The following PAFAH1B1 variants were observed in gnomAD, a reference collection of about 807,000 sequenced individuals.
PAFAH1B1 encodes platelet-activating factor acetylhydrolase IB subunit beta.
A neutral mutation model predicts 57.5 loss-of-function variants in PAFAH1B1; 2 were observed. The observed-to-expected ratio is 0.03, with a 90% CI of 0.01 to 0.11. PAFAH1B1 has a LOEUF of 0.11. PAFAH1B1 is among the 10% of genes least tolerant of loss of function. PAFAH1B1 has a pLI of 1.00. For synonymous variants in PAFAH1B1, 152 were observed against 169.6 expected, an observed-to-expected ratio of 0.90 and a Z score of 0.81; for missense variants, 257 against 512.0, an observed-to-expected ratio of 0.50 and a Z score of 4.81.
chr17:2,671,347 T>C (rs1043285858), intron 6 of PAFAH1B1, among the ~76,000 whole-genome samples: 5 of 151,854 alleles, frequency 3.3e-5, no homozygotes, highest in Non-Finnish European at 5.9e-5. Flanking sequence ...TATCTAGGAT[T>C]ATAGGCACGC....
chr17:2,597,625 G>A (rs1331786360), intron 1 of PAFAH1B1, among the ~76,000 whole-genome samples: 1 of 151,396 alleles, frequency 6.6e-6, no homozygotes, highest in Non-Finnish European at 1.5e-5. Context: ...TGGTCAGGTT[G>A]GTCTGGAACT....
At chr17:2,613,673 T>A (rs1276948650) in intron 1 of PAFAH1B1, 3 of 285,344 alleles carry the variant, frequency 1.1e-5, no homozygotes, top group Non-Finnish European at 2.1e-5. Context: ...CAGCCGCCCC[T>A]CCGCGAAGCT....
chr17:2,616,941 C>T (rs961044901), intron 1 of PAFAH1B1, among the ~76,000 whole-genome samples: 1 of 151,748 alleles, frequency 6.6e-6, no homozygotes, highest in Non-Finnish European at 1.5e-5. Context: ...GACCTGGTGG[C>T]GAGCGTCTGT....
At chr17:2,670,985 C>T (rs1376319875) in intron 6 of PAFAH1B1, among the ~76,000 whole-genome samples, 1 of 152,134 alleles carries the variant, frequency 6.6e-6, no homozygotes, top group Non-Finnish European at 1.5e-5. Context: ...GTACCTGCCA[C>T]ATAGGAGATG....
intron 5 of PAFAH1B1, among the ~76,000 whole-genome samples, chr17:2,669,023 G>A (rs769184041): frequency 2.0e-5 from 3 of 151,978 alleles, no homozygotes; most frequent in Non-Finnish European, 2.9e-5. Context: ...TATTAAATAA[G>A]AATTCCCAGT....
At chr17:2,599,263 G>A (rs1373086136) in intron 1 of PAFAH1B1, among the ~76,000 whole-genome samples, 1 of 152,204 alleles carries the variant, frequency 6.6e-6, no homozygotes, top group Non-Finnish European at 1.5e-5. Flanking sequence ...CCTGTCGAAT[G>A]TTAGGTTAGT....
In PAFAH1B1 at chr17:2,676,656, C is replaced by T. The variant is rs375106141; in HGVS notation, c.1002+50C>T. On this transcript the variant is annotated intron_variant, in intron 9 of 10. Transcript: ENST00000397195. ...TCTTTTGCATCTTCACTGTTTATAC[C>T]TTTTTGGATTAATGCTTTATGATAT... is the stretch of plus-strand genomic sequence containing the variant. The T allele has an allele frequency of 1.2e-4, 125 of 1,042,812 alleles. No homozygotes were observed. The African/African-American group carries it at 1.9e-3, about 16-fold the overall frequency. The allele number at this position is 1,042,812 out of a possible 1,614,324, so 64.6% of individuals were successfully genotyped here.
At chr17:2,678,186 G>C (rs1371857827) in intron 9 of PAFAH1B1, among the ~76,000 whole-genome samples, 3 of 152,044 alleles carry the variant, frequency 2.0e-5, no homozygotes, top group African/African-American at 7.2e-5. Context: ...TGGATCACCT[G>C]AGGTTGGGAG....
chr17:2,658,556 T>C (rs2068969421), intron 2 of PAFAH1B1, among the ~76,000 whole-genome samples: 1 of 152,180 alleles, frequency 6.6e-6, no homozygotes, highest in Non-Finnish European at 1.5e-5. Flanking sequence ...TATATCAGGA[T>C]GTCATCTGAG....
intron 2 of PAFAH1B1, among the ~76,000 whole-genome samples, chr17:2,655,501 A>G (rs2068924981): frequency 1.3e-5 from 2 of 152,130 alleles, no homozygotes; most frequent in Admixed American, 1.3e-4. Context: ...TGGAGAAAAC[A>G]TGTCTCCACT....
At chr17:2,599,960 C>G (rs1313827057) in intron 1 of PAFAH1B1, among the ~76,000 whole-genome samples, 1 of 145,926 alleles carries the variant, frequency 6.9e-6, no homozygotes, top group African/African-American at 2.5e-5. Context: ...GCAGATTAAT[C>G]CATTTTTAAC....
intron 7 of PAFAH1B1, among the ~76,000 whole-genome samples, chr17:2,673,253 G>T (rs2069207629): frequency 6.6e-6 from 1 of 152,172 alleles, no homozygotes; most frequent in South Asian, 2.1e-4. Context: ...TGTAAGGAGA[G>T]ACTCTATGTC....
At chr17:2,629,172 C>T (rs1391037095) in intron 1 of PAFAH1B1, among the ~76,000 whole-genome samples, 1 of 151,962 alleles carries the variant, frequency 6.6e-6, no homozygotes, top group African/African-American at 2.4e-5. Context: ...TCTCTAGTTC[C>T]TTGAGGTGTG....
intron 1 of PAFAH1B1, among the ~76,000 whole-genome samples, chr17:2,627,970 G>T (rs1372416181): frequency 6.6e-6 from 1 of 152,154 alleles, no homozygotes; most frequent in Non-Finnish European, 1.5e-5. Flanking sequence ...AGTTCTAGGA[G>T]CTATCTGAGG....
At chr17:2,631,165 C>T (rs996125234) in intron 1 of PAFAH1B1, among the ~76,000 whole-genome samples, 1 of 151,778 alleles carries the variant, frequency 6.6e-6, no homozygotes, top group African/African-American at 2.4e-5. Flanking sequence ...CACTAGAACC[C>T]GGGAGGCAGA....
intron 2 of PAFAH1B1, among the ~76,000 whole-genome samples, chr17:2,657,961 GT>G (rs1488817741): frequency 6.6e-6 from 1 of 152,152 alleles, no homozygotes; most frequent in Non-Finnish European, 1.5e-5. Context: ...ATACATGACA[GT>G]TGTATTGTGT....
At chr17:2,622,322 C>G (rs1237873525) in intron 1 of PAFAH1B1, among the ~76,000 whole-genome samples, 1 of 152,142 alleles carries the variant, frequency 6.6e-6, no homozygotes, top group African/African-American at 2.4e-5. Flanking sequence ...GTCCCTTCTG[C>G]CTATGAGCCT....
At chr17:2,674,870 C>T (rs766891139) in intron 8 of PAFAH1B1, among the ~76,000 whole-genome samples, 71 of 152,120 alleles carry the variant, frequency 4.7e-4, no homozygotes, top group Non-Finnish European at 6.5e-4. Context: ...CAAGGTACAG[C>T]GGCACATGGC....
rs1279767755 is a variant in PAFAH1B1, at chr17:2,636,499, C to T, written c.-190-1600C>T. 3.3e-5 allele frequency among the ~76,000 whole-genome samples: 5 copies of T among 152,228 alleles called. No individual in the cohort carries two copies. The East Asian group carries it at 9.6e-4, about 29-fold the overall frequency. On this transcript the variant is annotated intron_variant, in intron 1 of 10. Coordinates refer to ENST00000397195, the MANE Select transcript of PAFAH1B1 (RefSeq NM_000430.4). ...ACGGACTCTTCCTCTGTTGCCCAGA[C>T]TGGAGTACAGTAGCATGTTGGCTCA...
Sources: allele counts gnomAD v4.1 joint callset (sites outside exome capture counted in the v4.1 genomes callset), GRCh38; gene constraint gnomAD v4.1.1; transcripts MANE v1.5; gene names NCBI Gene and HGNC (gene_info 2026-07-23, HGNC 2026-07-21).